The following CSMD1 variants were observed in gnomAD, a reference collection of about 807,000 sequenced individuals.
CSMD1 encodes CUB and sushi domain-containing protein 1.
CSMD1 carries 213 observed loss-of-function variants against 417.5 expected under a neutral mutation model. That is an observed-to-expected ratio of 0.51 (90% CI 0.46 to 0.57). The LOEUF is 0.57. Ranked by LOEUF, CSMD1 falls within the 20% of genes least tolerant of loss-of-function variation. CSMD1 has a pLI of 0.00. For synonymous variants in CSMD1, 2,862 were observed against 1,736.8 expected, an observed-to-expected ratio of 1.65 and a Z score of -16.11; for missense variants, 6,923 against 4,529.7, an observed-to-expected ratio of 1.53 and a Z score of -15.17.
At chr8:4,660,428 A>G (rs1431880171) in intron 1 of CSMD1, among the ~76,000 whole-genome samples, 1 of 152,114 alleles carries the variant, frequency 6.6e-6, no homozygotes, top group African/African-American at 2.4e-5. Context: ...AAGTAAACAT[A>G]GGAAAGATAT....
At chr8:4,387,756 A>T (rs1584997214) in intron 3 of CSMD1, among the ~76,000 whole-genome samples, 1 of 152,086 alleles carries the variant, frequency 6.6e-6, no homozygotes, top group Admixed American at 6.6e-5. Flanking sequence ...ATATTCAAAA[A>T]TCCTATCTGA....
chr8:3,459,818 C>T (rs983355322), intron 12 of CSMD1, among the ~76,000 whole-genome samples: 6 of 152,106 alleles, frequency 3.9e-5, no homozygotes, highest in Admixed American at 1.3e-4. Context: ...TCTGTGTTGA[C>T]TCATTGGCTA....
At chr8:3,925,922 A>T (rs1187092256) in intron 5 of CSMD1, among the ~76,000 whole-genome samples, 1 of 151,926 alleles carries the variant, frequency 6.6e-6, no homozygotes, top group African/African-American at 2.4e-5. Context: ...CAAAATGTAG[A>T]AGGTACAGCA....
intron 1 of CSMD1, among the ~76,000 whole-genome samples, chr8:4,791,430 T>G (rs971708070): frequency 6.6e-6 from 1 of 152,162 alleles, no homozygotes; most frequent in Non-Finnish European, 1.5e-5. Flanking sequence ...TGGGACCCCA[T>G]CCCTTGGTCT....
chr8:4,441,473 G>C (rs980044764), intron 2 of CSMD1, among the ~76,000 whole-genome samples: 3 of 151,718 alleles, frequency 2.0e-5, no homozygotes, highest in Non-Finnish European at 2.9e-5. Flanking sequence ...GTTTTATTAG[G>C]AGTTAGACAT....
chr8:3,254,985 T>TC (rs979546590), intron 26 of CSMD1, among the ~76,000 whole-genome samples: 4 of 152,216 alleles, frequency 2.6e-5, no homozygotes, highest in Non-Finnish European at 5.9e-5. Context: ...CTCTGTTTTT[T>TC]CCCCATCTTT....
At chr8:3,788,156 G>C (rs1042804102) in intron 5 of CSMD1, among the ~76,000 whole-genome samples, 6 of 152,172 alleles carry the variant, frequency 3.9e-5, no homozygotes, top group Admixed American at 6.5e-5. Flanking sequence ...GAAATCATTT[G>C]TAAAACAAGG....
rs550958416 is a variant in CSMD1, at chr8:3,693,406, G to T, written c.1009+15008C>A. Among the ~76,000 whole-genome samples, 2 of 152,118 alleles carry T rather than the reference G, an allele frequency of 1.3e-5. 1 individual carries two copies. The highest frequency in any genetic ancestry group is 4.1e-4 in the South Asian group (2 of 4,834). ...ATATAATGACTTTTGTTAAGAGTGT[G>T]GGATAGGCTGACAATTGTGGGTGGG... is the stretch of plus-strand genomic sequence containing the variant. On this transcript the variant is annotated intron_variant, in intron 7 of 69. Transcript: ENST00000635120.
intron 21 of CSMD1, among the ~76,000 whole-genome samples, chr8:3,355,384 C>A (rs531786179): frequency 6.6e-6 from 1 of 152,270 alleles, no homozygotes; most frequent in Admixed American, 6.5e-5. Context: ...TGCTCCTGAT[C>A]TTTTGACCAA....
At chr8:3,923,219 T>C (rs1157714662) in intron 5 of CSMD1, among the ~76,000 whole-genome samples, 1 of 152,060 alleles carries the variant, frequency 6.6e-6, no homozygotes, top group East Asian at 1.9e-4. Flanking sequence ...CTCAGGCTAT[T>C]GTTTCCTTGT....
rs996348973 is a variant in CSMD1, at chr8:3,393,924, C to G, written c.2593+2270G>C. On this transcript the variant is annotated intron_variant, in intron 17 of 69. Coordinates refer to ENST00000635120, the MANE Select transcript of CSMD1 (RefSeq NM_033225.6). ...TAATGGGTGCAGCACACCAACATGG[C>G]ACATGTATACATATGTAACAAACCT... Among the ~76,000 whole-genome samples, 8 of 146,218 alleles carry G rather than the reference C, an allele frequency of 5.5e-5. No homozygotes were observed. The East Asian group carries it at 1.6e-3, about 30-fold the overall frequency.
In CSMD1 at chr8:3,890,539, T is replaced by C. The variant is rs1341308995; in HGVS notation, c.818+107364A>G. Among the ~76,000 whole-genome samples the C allele has an allele frequency of 2.0e-5, 3 of 152,134 alleles. No homozygotes were observed. The South Asian group carries it at 6.2e-4, about 32-fold the overall frequency. On this transcript the variant is annotated intron_variant, in intron 5 of 69. Coordinates refer to ENST00000635120, the MANE Select transcript of CSMD1 (RefSeq NM_033225.6). Reference sequence around the variant, plus strand: ...GACTCGGTGGGGAACAAAATAACTCTATCTCTCAAAGGACAAAATAATAGG... The same window carrying C: ...GACTCGGTGGGGAACAAAATAACTCCATCTCTCAAAGGACAAAATAATAGG...
Position 4,146,594 on chromosome 8 carries a change from A to ATTTTTT in CSMD1, c.416-114501_416-114496dup, listed in dbSNP as rs71205423. Among the ~76,000 whole-genome samples, 31 of 64,248 alleles carry ATTTTTT rather than the reference A, an allele frequency of 4.8e-4. 2 individuals are homozygous for ATTTTTT. The highest frequency in any genetic ancestry group is 6.5e-4 in the African/African-American group (8 of 12,396). The allele number at this position is 64,248 out of a possible 152,430, so 42.1% of individuals were successfully genotyped here. A position where few individuals can be genotyped will look rare whatever the true frequency, so the allele number is the denominator to read the frequency against. On this transcript the variant is annotated intron_variant, in intron 3 of 69. Coordinates refer to ENST00000635120, the MANE Select transcript of CSMD1 (RefSeq NM_033225.6). ...TCTGTCTAAATGTTTATATGGACAC[A>ATTTTTT]TTTTTTTTTTTTTTTTTTTTTTTTT...
intron 2 of CSMD1, among the ~76,000 whole-genome samples, chr8:4,473,077 T>A (rs1716908434): frequency 6.6e-6 from 1 of 152,182 alleles, no homozygotes; most frequent in Non-Finnish European, 1.5e-5. Flanking sequence ...GATATGGGCC[T>A]GAATTATGTA....
At position 3,289,602 on chromosome 8, in the gene CSMD1, C is replaced by T. The variant is rs573682188; in HGVS notation, c.3951-5256G>A. On this transcript the variant is annotated intron_variant, in intron 25 of 69. Coordinates refer to ENST00000635120, the MANE Select transcript of CSMD1 (RefSeq NM_033225.6). ...TGATGATGAGCATTTTTTCATGTGT[C>T]TTTTGGCTGCATAAATGTCTTCTTT... Among the ~76,000 whole-genome samples, 119 of 144,824 alleles carry T rather than the reference C, an allele frequency of 8.2e-4. 21 individuals carry two copies. The highest frequency in any genetic ancestry group is 3.3e-3 in the African/African-American group (116 of 34,830).
At chr8:3,484,003 A>G (rs1199605265) in intron 11 of CSMD1, among the ~76,000 whole-genome samples, 3 of 152,204 alleles carry the variant, frequency 2.0e-5, no homozygotes, top group Non-Finnish European at 2.9e-5. Flanking sequence ...AAATTTATCA[A>G]TAGCTTTAAT....
At chr8:4,957,717 C>CATGT (rs1809211632) in intron 1 of CSMD1, among the ~76,000 whole-genome samples, 1 of 151,970 alleles carries the variant, frequency 6.6e-6, no homozygotes, top group South Asian at 2.1e-4. Context: ...TGTTTCTTAC[C>CATGT]ATGTCTCTTT....
At chr8:3,396,116 G>T in intron 17 of CSMD1, 78 bp downstream of exon 17, 1 of 1,259,400 alleles carries the variant, frequency 7.9e-7, no homozygotes. Flanking sequence ...TCATCTGCAG[G>T]CTGGAAATAA....
intron 1 of CSMD1, among the ~76,000 whole-genome samples, chr8:4,841,983 G>T (rs76056454): frequency 0.23 from 33,219 of 143,648 alleles, 5,074 homozygotes; most frequent in African/African-American, 0.43. Context: ...TTTTTGTCCT[G>T]CCTCTAATTG....
Sources: allele counts gnomAD v4.1 joint callset (sites outside exome capture counted in the v4.1 genomes callset), GRCh38; gene constraint gnomAD v4.1.1; transcripts MANE v1.5; gene names NCBI Gene and HGNC (gene_info 2026-07-23, HGNC 2026-07-21).